Variants in DIP2B observed in about 807,000 individuals in gnomAD.
DIP2B encodes DIP2 acetate--CoA ligase B (putative).
Under a neutral mutation model 198.0 loss-of-function variants are expected in DIP2B, and 76 were observed. The ratio of observed to expected loss-of-function variants is 0.38; its 90% CI spans 0.32 to 0.46. The LOEUF (loss-of-function observed/expected upper bound fraction) is 0.46. DIP2B is among the 20% of genes least tolerant of loss of function. The pLI, the probability that DIP2B is intolerant of heterozygous loss-of-function variation, is 0.99. For synonymous variants in DIP2B, 701 were observed against 739.1 expected, an observed-to-expected ratio of 0.95 and a Z score of 0.84; for missense variants, 1,559 against 1,978.4, an observed-to-expected ratio of 0.79 and a Z score of 4.02.
chr12:50,571,048 A>G (rs779528017), intron 1 of DIP2B, among the ~76,000 whole-genome samples: 2 of 152,124 alleles, frequency 1.3e-5, no homozygotes. Flanking sequence ...ATATGATTGT[A>G]TATTGAGGTA....
chr12:50,711,439 C>A (rs916397190), intron 22 of DIP2B, among the ~76,000 whole-genome samples: 1 of 152,196 alleles, frequency 6.6e-6, no homozygotes, highest in Non-Finnish European at 1.5e-5. Context: ...AAAAAAAACA[C>A]AGAAACTTAG....
intron 36 of DIP2B, among the ~76,000 whole-genome samples, chr12:50,740,302 G>A (rs967396902): frequency 2.0e-5 from 3 of 152,240 alleles, no homozygotes; most frequent in African/African-American, 7.2e-5. Flanking sequence ...AGAGGCAGGG[G>A]CAACCCAGGG....
chr12:50,642,680 T>G (rs985278840), intron 3 of DIP2B, among the ~76,000 whole-genome samples: 4 of 152,058 alleles, frequency 2.6e-5, no homozygotes, highest in Non-Finnish European at 5.9e-5. Flanking sequence ...TCCCAGCTCC[T>G]CGGGAGGCTG....
intron 4 of DIP2B, among the ~76,000 whole-genome samples, chr12:50,662,304 G>A (rs766137039): frequency 6.6e-6 from 1 of 152,210 alleles, no homozygotes; most frequent in Non-Finnish European, 1.5e-5. Context: ...CATCTGTGTT[G>A]TCAAATAGAA....
At position 50,734,191 on chromosome 12, in the gene DIP2B, T is replaced by A; in HGVS notation, c.4038T>A (p.His1346Gln). The A allele has an allele frequency of 6.2e-7, 1 of 1,614,142 alleles. No individual in the cohort carries two copies. The highest frequency in any genetic ancestry group is 8.5e-7 in the Non-Finnish European group (1 of 1,180,014). Residue 1346 changes from histidine (H) to glutamine (Q), a missense_variant, in exon 33 of 38, where the codon CAT becomes CAA. His to Gln is a conservative substitution (Grantham distance 24). Coordinates refer to ENST00000301180, the MANE Select transcript of DIP2B (RefSeq NM_173602.3). Reference sequence around the variant, plus strand: ...ATGTGGATCTGAAATCACTAAGACATGACAGGTACAACAGATTTATTAATG... The same window carrying A: ...ATGTGGATCTGAAATCACTAAGACAAGACAGGTACAACAGATTTATTAATG... ...TVYVDLKSLR[H>Q]DRVRLVERGA... is the part of the protein sequence containing the mutation.
chr12:50,734,155 G>T lies in DIP2B; in HGVS notation c.4002G>T (p.Pro1334=), dbSNP rs746919234. ...ICLQGTSGPD[P]TTVYVDLKSL... ...TTTAGGGAACCTCAGGGCCTGATCC[G>T]ACTACTGTGTATGTGGATCTGAAAT... The change falls in exon 33 of 38, where the codon CCG becomes CCT. Residue 1334 remains proline, a synonymous_variant. Coordinates refer to ENST00000301180, the MANE Select transcript of DIP2B (RefSeq NM_173602.3). The T allele has an allele frequency of 7.4e-6, 12 of 1,613,966 alleles. No individual in the cohort carries two copies. Among genetic ancestry groups the T allele is most frequent in the Non-Finnish European group, 1.0e-5 (12 of 1,180,012 alleles).
At chr12:50,656,074 G>T (rs2139506736) in intron 3 of DIP2B, among the ~76,000 whole-genome samples, 1 of 152,294 alleles carries the variant, frequency 6.6e-6, no homozygotes, top group South Asian at 2.1e-4. Context: ...TCCTATTAGA[G>T]AAGGGAATTA....
intron 20 of DIP2B, among the ~76,000 whole-genome samples, chr12:50,704,470 G>C (rs969968786): frequency 2.0e-5 from 3 of 152,148 alleles, no homozygotes; most frequent in African/African-American, 7.2e-5. Context: ...CAGAAGACAT[G>C]ATGAGACTTT....
chr12:50,509,428 T>G (rs993154817), intron 1 of DIP2B, among the ~76,000 whole-genome samples: 1 of 152,184 alleles, frequency 6.6e-6, no homozygotes, highest in African/African-American at 2.4e-5. Context: ...AGTCCAAAGA[T>G]GACAACTGGA....
At chr12:50,657,901 G>A (rs1938581323) in intron 3 of DIP2B, among the ~76,000 whole-genome samples, 1 of 152,046 alleles carries the variant, frequency 6.6e-6, no homozygotes, top group South Asian at 2.1e-4. Flanking sequence ...AAAACCTATA[G>A]AGGACATTAT....
intron 1 of DIP2B, among the ~76,000 whole-genome samples, chr12:50,552,711 A>T (rs1445025242): frequency 1.3e-5 from 2 of 152,102 alleles, no homozygotes; most frequent in East Asian, 3.9e-4. Flanking sequence ...TTTTGGCGTC[A>T]TATCCAAGAA....
At chr12:50,604,853 A>C (rs956993036) in intron 1 of DIP2B, among the ~76,000 whole-genome samples, 9 of 152,226 alleles carry the variant, frequency 5.9e-5, no homozygotes, top group African/African-American at 2.2e-4. Flanking sequence ...TGTTCTATTT[A>C]AAAAGAATAT....
chr12:50,697,190 G>A lies in DIP2B; in HGVS notation c.2048+15G>A. The A allele has an allele frequency of 1.2e-6, 2 of 1,609,662 alleles. No individual in the cohort carries two copies. The highest frequency in any genetic ancestry group is 1.7e-6 in the Non-Finnish European group (2 of 1,176,690). ...GCAATCCGCAGGTACTGTTCAGGAT[G>A]TCAGATGCTCTTGATGTATGTTACA... is the stretch of plus-strand genomic sequence containing the variant. On this transcript the variant is annotated intron_variant, in intron 17 of 37. Transcript: ENST00000301180.
chr12:50,662,967 G>A (rs1425427497), intron 4 of DIP2B, among the ~76,000 whole-genome samples: 1 of 152,120 alleles, frequency 6.6e-6, no homozygotes, highest in African/African-American at 2.4e-5. Context: ...AAATTAGCCA[G>A]GTGTGGTGGT....
At chr12:50,699,259 G>C (rs1377080536) in intron 19 of DIP2B, 57 bp downstream of exon 19, 1 of 1,604,574 alleles carries the variant, frequency 6.2e-7, no homozygotes, top group Non-Finnish European at 8.5e-7. Flanking sequence ...GATGTTACGA[G>C]GGCAGATCCC....
At chr12:50,736,571 C>G (rs1940142531) in intron 34 of DIP2B, among the ~76,000 whole-genome samples, 1 of 152,184 alleles carries the variant, frequency 6.6e-6, no homozygotes, top group Non-Finnish European at 1.5e-5. Flanking sequence ...CTGCTGTCCT[C>G]TGTCACTCTT....
chr12:50,508,557 A>G (rs1957987340), intron 1 of DIP2B, among the ~76,000 whole-genome samples: 1 of 152,202 alleles, frequency 6.6e-6, no homozygotes, highest in South Asian at 2.1e-4. Context: ...CAGAAGGGAA[A>G]ACTTGTACTC....
chr12:50,555,458 A>G (rs893500561), intron 1 of DIP2B, among the ~76,000 whole-genome samples: 35 of 152,064 alleles, frequency 2.3e-4, no homozygotes, highest in African/African-American at 8.5e-4. Context: ...TGTCGCTGCT[A>G]TCACTTTGGT....
At chr12:50,621,017 T>TCCC (rs1937801857) in intron 1 of DIP2B, among the ~76,000 whole-genome samples, 1 of 152,148 alleles carries the variant, frequency 6.6e-6, no homozygotes, top group Non-Finnish European at 1.5e-5. Context: ...TGCATCAGAG[T>TCCC]CTCCATGGGA....
Sources: gnomAD v4.1 joint callset for allele counts (sites outside exome capture counted in the v4.1 genomes callset) on GRCh38, gnomAD v4.1.1 for gene constraint, MANE v1.5 for transcripts, NCBI Gene and HGNC (gene_info 2026-07-23, HGNC 2026-07-21) for gene names.